Variants in PDE4D observed in about 807,000 individuals in gnomAD.
The protein encoded by PDE4D is phosphodiesterase 4D, also known as 3',5'-cyclic-AMP phosphodiesterase 4D.
Under a neutral mutation model 87.4 loss-of-function variants are expected in PDE4D, and 24 were observed. The observed-to-expected ratio is 0.27, with a 90% CI of 0.20 to 0.39. PDE4D has a LOEUF of 0.39. Ranked by LOEUF, PDE4D falls within the 10% of genes least tolerant of loss-of-function variation. The probability of loss-of-function intolerance (pLI) is 1.00; values close to 1 mark genes in which losing one functional copy is unlikely to be tolerated. For missense variants in PDE4D, 714 were observed against 1,041.0 expected (o/e 0.69, Z 4.32); for synonymous variants, 384 against 383.2 (o/e 1.00, Z -0.02).
At chr5:59,940,038 C>G (rs866331747) in intron 3 of PDE4D, among the ~76,000 whole-genome samples, 1 of 152,126 alleles carries the variant, frequency 6.6e-6, no homozygotes, top group South Asian at 2.1e-4. Flanking sequence ...AAGTCCATAA[C>G]AGAGAGAGAA....
chr5:60,385,084 C>T (rs1421253662), intron 1 of PDE4D, among the ~76,000 whole-genome samples: 2 of 152,170 alleles, frequency 1.3e-5, no homozygotes, highest in Non-Finnish European at 2.9e-5. Flanking sequence ...GAAAATCATC[C>T]AGACTCCGCC....
intron 5 of PDE4D, among the ~76,000 whole-genome samples, chr5:59,086,218 C>T (rs1056469058): frequency 3.3e-5 from 5 of 152,090 alleles, no homozygotes; most frequent in African/African-American, 1.2e-4. Context: ...GCTGTACTGC[C>T]CACTACAGTC....
chr5:59,783,755 G>C (rs1764856701), intron 1 of PDE4D, among the ~76,000 whole-genome samples: 1 of 152,144 alleles, frequency 6.6e-6, no homozygotes, highest in South Asian at 2.1e-4. Context: ...TCCATGTAAA[G>C]AACATTCCAT....
At chr5:59,458,284 G>A (rs1800224796) in intron 1 of PDE4D, among the ~76,000 whole-genome samples, 1 of 152,222 alleles carries the variant, frequency 6.6e-6, no homozygotes, top group Admixed American at 6.5e-5. Flanking sequence ...CTTGGGACAT[G>A]TCTTGCACAT....
At chr5:60,514,887 G>C (rs1277080263) in intron 1 of PDE4D, among the ~76,000 whole-genome samples, 1 of 152,006 alleles carries the variant, frequency 6.6e-6, no homozygotes, top group Non-Finnish European at 1.5e-5. Context: ...GATTGAAAAA[G>C]AATAAGCAAA....
At chr5:59,465,265 T>G (rs182301499) in intron 1 of PDE4D, among the ~76,000 whole-genome samples, 5 of 152,232 alleles carry the variant, frequency 3.3e-5, no homozygotes, top group Admixed American at 3.3e-4. Flanking sequence ...GACACTCATC[T>G]TTTTATTTAT....
chr5:59,086,098 A>G (rs142716425), intron 5 of PDE4D, among the ~76,000 whole-genome samples: 1 of 152,276 alleles, frequency 6.6e-6, no homozygotes, highest in African/African-American at 2.4e-5. Flanking sequence ...ACAGGAGAAA[A>G]TCGAGGCTTT....
intron 1 of PDE4D, among the ~76,000 whole-genome samples, chr5:59,861,374 T>C (rs1746259702): frequency 6.6e-6 from 1 of 152,172 alleles, no homozygotes; most frequent in Non-Finnish European, 1.5e-5. Flanking sequence ...TGGAGGAGTT[T>C]CCAAGCGAAT....
Position 59,626,159 on chromosome 5 carries a change from G to A in PDE4D, c.455+267009C>T, listed in dbSNP as rs1338429475. 7.2e-5 allele frequency among the ~76,000 whole-genome samples: 11 copies of A among 152,262 alleles called. No individual in the cohort carries two copies. The East Asian group carries it at 1.9e-3, about 27-fold the overall frequency. On this transcript the variant is annotated intron_variant, in intron 1 of 14. Transcript: ENST00000340635. The stretch of plus-strand genomic sequence containing the variant: ...CATTTTAGGGTCCGTTAACATTAAA[G>A]TAATGTTTGTTGGATTCTATAAAAT...
intron 1 of PDE4D, among the ~76,000 whole-genome samples, chr5:59,506,271 A>G (rs1460514030): frequency 6.6e-6 from 1 of 152,172 alleles, no homozygotes; most frequent in African/African-American, 2.4e-5. Flanking sequence ...GAAATTATGA[A>G]GGTATACAGA....
chr5:59,002,160 T>C (rs975993736), intron 6 of PDE4D: 2 of 430,716 alleles, frequency 4.6e-6, no homozygotes, highest in Admixed American at 2.7e-5. Flanking sequence ...CATTTCCACA[T>C]AAAGTTGAGA....
At chr5:59,470,863 A>G (rs188412348) in intron 1 of PDE4D, among the ~76,000 whole-genome samples, 1 of 152,300 alleles carries the variant, frequency 6.6e-6, no homozygotes, top group Non-Finnish European at 1.5e-5. Flanking sequence ...CTATTAAATG[A>G]AATATAACTT....
chr5:59,339,270 A>C (rs922785890), intron 1 of PDE4D, among the ~76,000 whole-genome samples: 2 of 152,256 alleles, frequency 1.3e-5, no homozygotes, highest in Non-Finnish European at 2.9e-5. Flanking sequence ...TTATCTGAGC[A>C]TCAAATTACA....
rs151048667 is a variant in PDE4D, at chr5:60,222,614, T to G, written c.-89-36927A>C. ...CCATTTCCATTACCAGAGTTATAAT[T>G]GCTCCATATCTATCTTTGCTAATAC... On this transcript the variant is annotated intron_variant, in intron 1 of 16. Coordinates refer to the PDE4D transcript ENST00000502484. 1.9e-3 allele frequency among the ~76,000 whole-genome samples: 286 copies of G among 152,290 alleles called. 2 individuals carry two copies. The highest frequency in any genetic ancestry group is 6.6e-3 in the African/African-American group (275 of 41,568).
chr5:59,219,442 A>G (rs1327779991), intron 1 of PDE4D, among the ~76,000 whole-genome samples: 4 of 152,272 alleles, frequency 2.6e-5, no homozygotes, highest in Admixed American at 6.5e-5. Context: ...ATCAAAATTA[A>G]TTATCAAGAA....
intron 1 of PDE4D, among the ~76,000 whole-genome samples, chr5:60,255,804 C>CACAACAACA (rs71606627): frequency 1.3e-5 from 2 of 151,048 alleles, no homozygotes; most frequent in South Asian, 2.1e-4. Flanking sequence ...ACTCTATCTC[C>CACAACAACA]ACAACAACAA....
intron 1 of PDE4D, among the ~76,000 whole-genome samples, chr5:59,554,109 G>C (rs930868031): frequency 1.1e-4 from 17 of 152,058 alleles, no homozygotes; most frequent in Non-Finnish European, 2.2e-4. Context: ...GAGTTTGTAG[G>C]AACTAGAGTC....
At chr5:59,042,621 T>C (rs973633964) in intron 5 of PDE4D, among the ~76,000 whole-genome samples, 2 of 152,246 alleles carry the variant, frequency 1.3e-5, no homozygotes, top group Non-Finnish European at 1.5e-5. Context: ...GCAAAAACTA[T>C]TGGCTAAACT....
chr5:59,599,353 C>A (rs1045259847), intron 1 of PDE4D, among the ~76,000 whole-genome samples: 10 of 151,382 alleles, frequency 6.6e-5, no homozygotes, highest in African/African-American at 1.9e-4. Context: ...TCCCAAAGAG[C>A]TGGGATTACA....
Sources: gnomAD v4.1 joint callset for allele counts (sites outside exome capture counted in the v4.1 genomes callset) on GRCh38, gnomAD v4.1.1 for gene constraint, MANE v1.5 for transcripts, NCBI Gene and HGNC (gene_info 2026-07-23, HGNC 2026-07-21) for gene names.